The following ATL2 variants were observed in gnomAD, a reference collection of about 807,000 sequenced individuals.
ATL2 encodes atlastin-2.
A neutral mutation model predicts 73.9 loss-of-function variants in ATL2; 31 were observed. The ratio of observed to expected loss-of-function variants is 0.42; its 90% CI spans 0.32 to 0.57. The LOEUF (loss-of-function observed/expected upper bound fraction) is 0.57, where lower values mean the gene tolerates loss of function less well. Ranked by LOEUF, ATL2 falls within the 20% of genes least tolerant of loss-of-function variation. The pLI is 0.14. For synonymous variants in ATL2, 291 were observed against 237.5 expected (o/e 1.23, Z -2.07); for missense variants, 738 against 702.6 (o/e 1.05, Z -0.57).
chr2:38,372,991 A>G (rs1380057380), intron 1 of ATL2, among the ~76,000 whole-genome samples: 1 of 152,094 alleles, frequency 6.6e-6, no homozygotes, highest in African/African-American at 2.4e-5. Context: ...TAACACAAGT[A>G]GTCACACTGG....
chr2:38,339,997 C>G (rs910012691), intron 2 of ATL2, among the ~76,000 whole-genome samples: 5 of 151,982 alleles, frequency 3.3e-5, no homozygotes, highest in Non-Finnish European at 5.9e-5. Flanking sequence ...TGCCCTCATA[C>G]AGTAGAATAT....
At chr2:38,296,273 A>G (rs947394999) in intron 12 of ATL2, 160 bp from the exon 13 acceptor site, 5 of 1,438,250 alleles carry the variant, frequency 3.5e-6, no homozygotes, top group Non-Finnish European at 4.5e-6. Flanking sequence ...TGATGCTACT[A>G]GACATTTTAT....
At chr2:38,371,762 G>A (rs969578271) in intron 1 of ATL2, among the ~76,000 whole-genome samples, 5 of 152,072 alleles carry the variant, frequency 3.3e-5, no homozygotes, top group African/African-American at 1.2e-4. Context: ...GCTGGACGTG[G>A]TGGCACGCGT....
At chr2:38,358,814 T>G (rs923447295) in intron 1 of ATL2, 1 of 152,680 alleles carries the variant, frequency 6.5e-6, no homozygotes, top group African/African-American at 2.4e-5. Flanking sequence ...TGAGCTTTTA[T>G]AACAGTGCTG....
At chr2:38,326,682 C>T (rs891278419) in intron 2 of ATL2, among the ~76,000 whole-genome samples, 2 of 152,174 alleles carry the variant, frequency 1.3e-5, no homozygotes, top group African/African-American at 2.4e-5. Flanking sequence ...TTACACTGGA[C>T]TTCCCATTAC....
intron 2 of ATL2, among the ~76,000 whole-genome samples, chr2:38,332,566 A>G (rs1413544555): frequency 6.6e-6 from 1 of 152,214 alleles, no homozygotes; most frequent in African/African-American, 2.4e-5. Flanking sequence ...ATATACTAAA[A>G]ACCACTGAAC....
At chr2:38,306,640 G>A (rs569450052) in intron 9 of ATL2, among the ~76,000 whole-genome samples, 1 of 152,120 alleles carries the variant, frequency 6.6e-6, no homozygotes, top group Non-Finnish European at 1.5e-5. Flanking sequence ...CCAGAATGAA[G>A]AACAAAAACC....
intron 2 of ATL2, among the ~76,000 whole-genome samples, chr2:38,334,892 A>ATATTATTTATAATATATAAATATATT (rs1669236389): frequency 8.8e-6 from 1 of 113,460 alleles, no homozygotes; most frequent in Non-Finnish European, 1.7e-5. Flanking sequence ...ATAATATATA[A>ATATTATTTATAATATATAAATATATT]TATATATTAT....
intron 1 of ATL2, among the ~76,000 whole-genome samples, chr2:38,346,090 T>TG (rs1294864013): frequency 1.3e-5 from 2 of 152,238 alleles, no homozygotes; most frequent in Admixed American, 1.3e-4. Context: ...TCCACCCATC[T>TG]GCTCTGGCAC....
chr2:38,377,005 G>T, intron 1 of ATL2, 138 bp downstream of exon 1: 1 of 610,870 alleles, frequency 1.6e-6, no homozygotes, highest in Non-Finnish European at 2.5e-6. Flanking sequence ...TAGGCCCGGC[G>T]GGCAGGCGCG....
At chr2:38,310,007 T>C (rs1180267902) in intron 8 of ATL2, among the ~76,000 whole-genome samples, 1 of 152,124 alleles carries the variant, frequency 6.6e-6, no homozygotes, top group South Asian at 2.1e-4. Flanking sequence ...TATAATAAAA[T>C]GATAAAGCCT....
In ATL2 at chr2:38,298,469, C is replaced by G; in HGVS notation, c.1307G>C (p.Gly436Ala). ...IKQFRSVKKM[G>A]GDEFCRRYQD... The stretch of plus-strand genomic sequence containing the variant: ...ATAACGACGGCAGAACTCATCTCCA[C>G]CCATCTTTTTTACTGAACGAAATTG... Residue 436 changes from glycine (G) to alanine (A), a missense_variant, in exon 12 of 13, where the codon GGT becomes GCT. Coordinates refer to ENST00000378954, the MANE Select transcript of ATL2 (RefSeq NM_001135673.4). 6.2e-7 allele frequency: 1 copy of G among 1,614,192 alleles called. No individual in the cohort carries two copies. Among genetic ancestry groups the G allele is most frequent in the South Asian group, 1.1e-5 (1 of 91,086 alleles).
chr2:38,357,368 A>C (rs13421644), intron 1 of ATL2, among the ~76,000 whole-genome samples: 2 of 151,392 alleles, frequency 1.3e-5, no homozygotes, highest in Non-Finnish European at 2.9e-5. Context: ...GTTACTATAT[A>C]TATGTTTGTT....
Position 38,336,130 on chromosome 2 carries a change from A to T in ATL2, c.363+7138T>A, listed in dbSNP as rs150712102. Among the ~76,000 whole-genome samples, 9 of 152,372 alleles carry T rather than the reference A, an allele frequency of 5.9e-5. 1 individual carries two copies. Among genetic ancestry groups the T allele is most frequent in the African/African-American group, 1.7e-4 (7 of 41,600 alleles). ...TCAGTCTTGAGAAAGAACATAAGAC[A>T]GTTTTTCTTCATGTATTTGCACATT... is the stretch of plus-strand genomic sequence containing the variant. On this transcript the variant is annotated intron_variant, in intron 2 of 12. Coordinates refer to ENST00000378954, the MANE Select transcript of ATL2 (RefSeq NM_001135673.4).
intron 2 of ATL2, among the ~76,000 whole-genome samples, chr2:38,323,198 C>G (rs1438606993): frequency 6.6e-6 from 1 of 152,070 alleles, no homozygotes; most frequent in African/African-American, 2.4e-5. Context: ...AAACACTAAT[C>G]TGATACTATT....
chr2:38,321,137 C>T (rs1056266071), intron 2 of ATL2, among the ~76,000 whole-genome samples: 3 of 152,116 alleles, frequency 2.0e-5, no homozygotes, highest in African/African-American at 7.2e-5. Context: ...CGCACCACTG[C>T]GCTCCAGCCT....
chr2:38,346,649 G>A (rs1246995720), intron 1 of ATL2, among the ~76,000 whole-genome samples: 3 of 152,174 alleles, frequency 2.0e-5, no homozygotes, highest in Admixed American at 1.3e-4. Context: ...CCTCACACGT[G>A]CAGTTCACAA....
intron 4 of ATL2, among the ~76,000 whole-genome samples, chr2:38,316,320 C>G (rs1668021742): frequency 6.6e-6 from 1 of 152,162 alleles, no homozygotes; most frequent in Middle Eastern, 3.2e-3. Context: ...TAAACCCTGA[C>G]ACCATGACCA....
At chr2:38,342,848 G>A (rs1030121351) in intron 2 of ATL2, among the ~76,000 whole-genome samples, 1 of 151,636 alleles carries the variant, frequency 6.6e-6, no homozygotes, top group African/African-American at 2.4e-5. Context: ...TTATGGCGAT[G>A]AAGAATCAAG....
Sources: gnomAD v4.1 joint callset for allele counts (sites outside exome capture counted in the v4.1 genomes callset) on GRCh38, gnomAD v4.1.1 for gene constraint, MANE v1.5 for transcripts, NCBI Gene and HGNC (gene_info 2026-07-23, HGNC 2026-07-21) for gene names.